Variants in MLLT3 observed in about 807,000 individuals in gnomAD.
The protein encoded by MLLT3 is protein AF-9.
A neutral mutation model predicts 53.2 loss-of-function variants in MLLT3; 4 were observed. The ratio of observed to expected loss-of-function variants is 0.08; its 90% confidence interval spans 0.04 to 0.17. The LOEUF (loss-of-function observed/expected upper bound fraction) is 0.17, where lower values mean the gene tolerates loss of function less well. Ranked by LOEUF, MLLT3 falls within the 10% of genes least tolerant of loss-of-function variation. The probability of loss-of-function intolerance (pLI) is 1.00; values close to 1 mark genes in which losing one functional copy is unlikely to be tolerated. For missense variants in MLLT3, 569 were observed against 684.0 expected, an observed-to-expected ratio of 0.83 and a Z score of 1.87; for synonymous variants, 283 against 230.6, an observed-to-expected ratio of 1.23 and a Z score of -2.06.
intron 5 of MLLT3, among the ~76,000 whole-genome samples, chr9:20,408,865 G>A (rs1203482610): frequency 6.6e-6 from 1 of 152,090 alleles, no homozygotes; most frequent in Admixed American, 6.5e-5. Flanking sequence ...AACAAAAGAA[G>A]GGAAGTTTTT....
At chr9:20,477,114 G>A (rs1034559768) in intron 2 of MLLT3, among the ~76,000 whole-genome samples, 2 of 151,818 alleles carry the variant, frequency 1.3e-5, no homozygotes, top group African/African-American at 4.8e-5. Flanking sequence ...AATGTCGGAG[G>A]GATTCCACAC....
intron 4 of MLLT3, among the ~76,000 whole-genome samples, chr9:20,420,002 G>A (rs1476421015): frequency 6.6e-6 from 1 of 152,080 alleles, no homozygotes; most frequent in Non-Finnish European, 1.5e-5. Context: ...AGAAATTTAG[G>A]AATGAAAGAG....
intron 5 of MLLT3, among the ~76,000 whole-genome samples, chr9:20,372,610 G>A (rs1488932559): frequency 9.0e-5 from 11 of 122,070 alleles, no homozygotes; most frequent in Admixed American, 6.5e-4. Context: ...GGGTTTCACT[G>A]TGTTAGCCAG....
chr9:20,383,485 T>A (rs944854733), intron 5 of MLLT3, among the ~76,000 whole-genome samples: 2 of 151,772 alleles, frequency 1.3e-5, no homozygotes, highest in Non-Finnish European at 2.9e-5. Context: ...CATAACATCA[T>A]CTCTCCAGGC....
intron 2 of MLLT3, among the ~76,000 whole-genome samples, chr9:20,482,533 T>C (rs746908363): frequency 1.2e-4 from 18 of 152,206 alleles, no homozygotes; most frequent in Non-Finnish European, 2.4e-4. Flanking sequence ...AATTAAGATC[T>C]TTAAACTAGA....
chr9:20,414,274 G>GTAC lies in MLLT3; in HGVS notation c.569_571dup (p.Ser190dup). 1 of 1,609,842 alleles carries GTAC rather than the reference G, an allele frequency of 6.2e-7. No homozygotes were observed. On this transcript the variant is annotated inframe_insertion, in exon 5 of 11. Coordinates refer to ENST00000380338, the MANE Select transcript of MLLT3 (RefSeq NM_004529.4). ...TAATTTGTGAGGCTTTGAAAAACTGGTACTACTGCTGCTGCTGCTGCTGCT... is the reference window on the plus strand; with the variant it reads ...TAATTTGTGAGGCTTTGAAAAACTGGTACTACTACTGCTGCTGCTGCTGCTGCT...
chr9:20,376,320 GTTC>G (rs1821764213), intron 5 of MLLT3, among the ~76,000 whole-genome samples: 1 of 152,056 alleles, frequency 6.6e-6, no homozygotes, highest in South Asian at 2.1e-4. Flanking sequence ...AGCCTCTTGA[GTTC>G]TTATGTTATC....
intron 2 of MLLT3, among the ~76,000 whole-genome samples, chr9:20,617,016 T>C (rs1820848010): frequency 6.6e-6 from 1 of 152,174 alleles, no homozygotes; most frequent in African/African-American, 2.4e-5. Flanking sequence ...CAATTCAGCT[T>C]TTAAGTGCCT....
intron 2 of MLLT3, among the ~76,000 whole-genome samples, chr9:20,484,247 A>G (rs1824747378): frequency 6.6e-6 from 1 of 152,184 alleles, no homozygotes; most frequent in Non-Finnish European, 1.5e-5. Flanking sequence ...TACTAGTATC[A>G]CTATATTTTC....
At chr9:20,416,222 A>C (rs1296650093) in intron 4 of MLLT3, among the ~76,000 whole-genome samples, 3 of 152,190 alleles carry the variant, frequency 2.0e-5, no homozygotes, top group Admixed American at 1.3e-4. Context: ...AGTTTTTTTC[A>C]ATAGGCTTGT....
intron 2 of MLLT3, among the ~76,000 whole-genome samples, chr9:20,590,851 T>A (rs1042157406): frequency 1.3e-5 from 2 of 152,136 alleles, no homozygotes; most frequent in African/African-American, 2.4e-5. Flanking sequence ...TCCTCTGACC[T>A]CAGCCTCCTG....
intron 2 of MLLT3, among the ~76,000 whole-genome samples, chr9:20,607,971 T>C (rs1217069775): frequency 6.6e-6 from 1 of 152,138 alleles, no homozygotes; most frequent in South Asian, 2.1e-4. Flanking sequence ...TTGTAGCTTA[T>C]ATATGAAATA....
chr9:20,350,489 G>A (rs1236463229), intron 10 of MLLT3, among the ~76,000 whole-genome samples: 1 of 150,094 alleles, frequency 6.7e-6, no homozygotes, highest in Non-Finnish European at 1.5e-5. Context: ...CAGCTACTTG[G>A]GAGGCTGAGG....
chr9:20,469,976 G>T (rs542217620), intron 2 of MLLT3, among the ~76,000 whole-genome samples: 13 of 151,978 alleles, frequency 8.6e-5, no homozygotes, highest in African/African-American at 2.9e-4. Flanking sequence ...ATGAATTTTG[G>T]TAAAAGCCTT....
chr9:20,479,644 G>C (rs976667989), intron 2 of MLLT3, among the ~76,000 whole-genome samples: 1 of 152,136 alleles, frequency 6.6e-6, no homozygotes, highest in African/African-American at 2.4e-5. Context: ...AATTTCCCAT[G>C]ACTCCGTTTC....
At chr9:20,622,028 TGTGA>T (rs1439550782) in intron 1 of MLLT3, 14 of 813,616 alleles carry the variant, frequency 1.7e-5, no homozygotes, top group African/African-American at 1.4e-4. Context: ...TGTGAGCGTG[TGTGA>T]GTGTGTGTGT....
At chr9:20,490,152 C>A (rs1480466559) in intron 2 of MLLT3, among the ~76,000 whole-genome samples, 1 of 152,214 alleles carries the variant, frequency 6.6e-6, no homozygotes, top group African/African-American at 2.4e-5. Flanking sequence ...AGGCAGAATT[C>A]TAAAGCTGCC....
intron 8 of MLLT3, among the ~76,000 whole-genome samples, chr9:20,357,822 ACAGG>A (rs1219843056): frequency 6.6e-6 from 1 of 152,210 alleles, no homozygotes; most frequent in Admixed American, 6.5e-5. Flanking sequence ...TAGAGAGAGA[ACAGG>A]CAAGGAGTAT....
At chr9:20,384,865 T>C (rs1216686935) in intron 5 of MLLT3, among the ~76,000 whole-genome samples, 1 of 152,100 alleles carries the variant, frequency 6.6e-6, no homozygotes, top group Admixed American at 6.6e-5. Context: ...TTTGACTCAC[T>C]AAGTGTACAG....
Sources: gnomAD v4.1 joint callset for allele counts (sites outside exome capture counted in the v4.1 genomes callset) on GRCh38, gnomAD v4.1.1 for gene constraint, MANE v1.5 for transcripts, NCBI Gene and HGNC (gene_info 2026-07-23, HGNC 2026-07-21) for gene names.